The following TP73 variants were observed in gnomAD, a reference collection of about 807,000 sequenced individuals.
TP73 encodes p53-like transcription factor.
TP73 carries 25 observed loss-of-function variants against 62.5 expected under a neutral mutation model. The observed-to-expected ratio is 0.40, with a 90% CI of 0.29 to 0.56. The LOEUF (loss-of-function observed/expected upper bound fraction) is 0.56. Ranked by LOEUF, TP73 falls within the 20% of genes least tolerant of loss-of-function variation. The pLI, the probability that TP73 is intolerant of heterozygous loss-of-function variation, is 0.46. For missense variants in TP73, 754 were observed against 913.3 expected (o/e 0.83, Z 2.25); for synonymous variants, 423 against 377.5 (o/e 1.12, Z -1.40).
chr1:3,704,437 C>A (rs566368146), intron 3 of TP73, among the ~76,000 whole-genome samples: 12 of 152,258 alleles, frequency 7.9e-5, no homozygotes, highest in African/African-American at 2.6e-4. Context: ...CCAGGGTCCT[C>A]GTGGGTTCAC....
intron 1 of TP73, among the ~76,000 whole-genome samples, chr1:3,667,390 G>A (rs944051154): frequency 5.3e-5 from 8 of 152,332 alleles, no homozygotes; most frequent in South Asian, 4.1e-4. Flanking sequence ...CATTGGTTAC[G>A]GCAGCCACAG....
Position 3,727,748 on chromosome 1 carries a change from GA to G in TP73, c.965del (p.Asn322ThrfsTer23). On this transcript the variant is annotated frameshift_variant, in exon 8 of 14. Transcript: ENST00000378295. LOFTEE classifies it high-confidence loss of function. ...QQALNESSAK[N>X]GAASKRAFKQ... is the part of the protein sequence containing the mutation. Reference sequence around the variant, plus strand: ...AGGCCCTGAACGAGAGCTCCGCCAAGAACGGGGCCGCCAGCAAGCGTGGTGA... The same window carrying G: ...AGGCCCTGAACGAGAGCTCCGCCAAGACGGGGCCGCCAGCAAGCGTGGTGA... The G allele has an allele frequency of 2.6e-6, 4 of 1,548,066 alleles. No individual in the cohort carries two copies. The highest frequency in any genetic ancestry group is 3.5e-6 in the Non-Finnish European group (4 of 1,146,570).
At chr1:3,690,978 G>T (rs371093258) in intron 3 of TP73, 7 of 1,565,472 alleles carry the variant, frequency 4.5e-6, no homozygotes, top group Non-Finnish European at 6.1e-6. Context: ...GGATCTCTTC[G>T]GGGACTTTGC....
chr1:3,656,234 C>T (rs12021505), intron 1 of TP73, among the ~76,000 whole-genome samples: 1 of 152,038 alleles, frequency 6.6e-6, no homozygotes, highest in East Asian at 1.9e-4. Context: ...CAGCTTATAC[C>T]AAAGTGGGCT....
chr1:3,733,224 C>G lies in TP73; in HGVS notation c.*145C>G. Reference sequence around the variant, plus strand: ...GCAAGGTCCGGCCCATCCCCAGGCACCTCACAGGCCCCAGGAAAGGCCCAG... The same window carrying G: ...GCAAGGTCCGGCCCATCCCCAGGCAGCTCACAGGCCCCAGGAAAGGCCCAG... On this transcript the variant is annotated 3_prime_UTR_variant, in exon 14 of 14. Coordinates refer to ENST00000378295, the MANE Select transcript of TP73 (RefSeq NM_005427.4). The G allele has an allele frequency of 1.0e-6, 1 of 992,022 alleles. No individual in the cohort carries two copies. The highest frequency in any genetic ancestry group is 1.7e-5 in the South Asian group (1 of 58,346). 61.5% of individuals were successfully genotyped at this position (992,022 alleles called of 1,614,324 possible).
chr1:3,689,192 C>T (rs572773749), intron 3 of TP73, among the ~76,000 whole-genome samples: 2 of 152,246 alleles, frequency 1.3e-5, no homozygotes, highest in South Asian at 4.1e-4. Context: ...TCGCCCTGGG[C>T]TCTCCTGCAA....
chr1:3,730,176 C>T lies in TP73; in HGVS notation c.1345+28C>T, dbSNP rs374993032. 6.1e-5 allele frequency: 92 copies of T among 1,498,402 alleles called. 2 individuals are homozygous for T. In the East Asian group the frequency reaches 6.7e-4, roughly 11 times the overall value. 92.8% of individuals were successfully genotyped at this position (1,498,402 alleles called of 1,614,324 possible). The stretch of plus-strand genomic sequence containing the variant: ...GAGTCCCTTGGGCAGTGCGGGCCCA[C>T]GGGCAGGGCGGGGAGGCCCACTGGG... On this transcript the variant is annotated intron_variant, in intron 11 of 13. Transcript: ENST00000378295.
intron 11 of TP73, among the ~76,000 whole-genome samples, chr1:3,730,546 G>T (rs979410649): frequency 6.6e-6 from 1 of 152,178 alleles, no homozygotes; most frequent in African/African-American, 2.4e-5. Flanking sequence ...GGCTCCATTG[G>T]ATAGAGTTTG....
At chr1:3,728,994 G>GAGAGAGAGAGACAGAGAGAC (rs59669771) in intron 9 of TP73, among the ~76,000 whole-genome samples, 82 of 126,224 alleles carry the variant, frequency 6.5e-4, no homozygotes, top group Middle Eastern at 4.0e-3. Context: ...TCGAAAGAAA[G>GAGAGAGAGAGACAGAGAGAC]AGAGAGAGAG....
chr1:3,700,037 C>A (rs3765736), intron 3 of TP73, among the ~76,000 whole-genome samples: 1 of 151,616 alleles, frequency 6.6e-6, no homozygotes, highest in African/African-American at 2.4e-5. Context: ...AGGATGGGGT[C>A]CCTCGGGAAG....
At chr1:3,695,417 G>A (rs1009208876) in intron 3 of TP73, among the ~76,000 whole-genome samples, 7 of 152,230 alleles carry the variant, frequency 4.6e-5, no homozygotes, top group African/African-American at 1.4e-4. Flanking sequence ...GGAGGGGCTG[G>A]AGCCTGTCTC....
intron 3 of TP73, among the ~76,000 whole-genome samples, chr1:3,707,098 C>A (rs1639721850): frequency 6.6e-6 from 1 of 152,182 alleles, no homozygotes; most frequent in South Asian, 2.1e-4. Flanking sequence ...GGTGTGCGCA[C>A]CCTGCACTCA....
At chr1:3,656,788 C>T (rs905426726) in intron 1 of TP73, among the ~76,000 whole-genome samples, 1 of 152,212 alleles carries the variant, frequency 6.6e-6, no homozygotes, top group Non-Finnish European at 1.5e-5. Context: ...GTAGAGAGTC[C>T]AGGGTGCTGT....
chr1:3,690,930 C>A, intron 3 of TP73: 1 of 1,580,318 alleles, frequency 6.3e-7, no homozygotes. Context: ...TGACCCCGCA[C>A]GGCACCTCGC....
chr1:3,726,512 GATGA>G (rs1464369505), intron 6 of TP73, among the ~76,000 whole-genome samples: 6 of 150,018 alleles, frequency 4.0e-5, no homozygotes, highest in South Asian at 4.3e-4. Context: ...GGGGTTGGTG[GATGA>G]ATGGATGGAT....
rs759172324 is a variant in TP73, at chr1:3,691,942, G to A, written c.186+8762G>A. Among the ~76,000 whole-genome samples the A allele has an allele frequency of 5.6e-4, 85 of 152,238 alleles. 1 individual carries two copies. The highest frequency in any genetic ancestry group is 9.8e-4 in the Non-Finnish European group (67 of 68,046). Reference sequence around the variant, plus strand: ...GTGTGTGTGACAGCGATGTGTGTGAGCGTGCACATCAATGTGCATGTGGCG... The same window carrying A: ...GTGTGTGTGACAGCGATGTGTGTGAACGTGCACATCAATGTGCATGTGGCG... On this transcript the variant is annotated intron_variant, in intron 3 of 13. Coordinates refer to ENST00000378295, the MANE Select transcript of TP73 (RefSeq NM_005427.4).
intron 1 of TP73, among the ~76,000 whole-genome samples, chr1:3,659,655 C>G (rs1644947949): frequency 2.0e-5 from 3 of 152,068 alleles, no homozygotes; most frequent in Admixed American, 1.3e-4. Flanking sequence ...CCTCTTTCTA[C>G]TAAAAATAAT....
chr1:3,669,713 C>T (rs535849451), intron 1 of TP73, among the ~76,000 whole-genome samples: 12 of 152,356 alleles, frequency 7.9e-5, no homozygotes, highest in Middle Eastern at 3.4e-3. Context: ...CTGACCATGA[C>T]GTGGACGGCA....
chr1:3,717,305 T>G (rs1230577630), intron 4 of TP73, among the ~76,000 whole-genome samples: 1 of 151,864 alleles, frequency 6.6e-6, no homozygotes, highest in African/African-American at 2.4e-5. Context: ...GCCGGGCCCA[T>G]GTTGTACTGG....
Sources: gnomAD v4.1 joint callset for allele counts (sites outside exome capture counted in the v4.1 genomes callset) on GRCh38, gnomAD v4.1.1 for gene constraint, MANE v1.5 for transcripts, NCBI Gene and HGNC (gene_info 2026-07-23, HGNC 2026-07-21) for gene names.